The following FAM91A1 variants were observed in gnomAD, a reference collection of about 807,000 sequenced individuals.
The protein encoded by FAM91A1 is protein FAM91A1.
In FAM91A1, 41 loss-of-function variants were observed where a neutral mutation model predicts 113.5. The observed-to-expected ratio is 0.36, with a 90% CI of 0.28 to 0.47. The LOEUF is 0.47. Ranked by LOEUF, FAM91A1 falls within the 20% of genes least tolerant of loss-of-function variation. FAM91A1 has a pLI of 1.00. For missense variants in FAM91A1, 696 were observed against 1,001.2 expected, an observed-to-expected ratio of 0.70 and a Z score of 4.11; for synonymous variants, 307 against 347.9, an observed-to-expected ratio of 0.88 and a Z score of 1.31.
chr8:123,797,186 G>A (rs1815545684), intron 15 of FAM91A1, among the ~76,000 whole-genome samples: 1 of 152,306 alleles, frequency 6.6e-6, no homozygotes, highest in African/African-American at 2.4e-5. Flanking sequence ...AGAAAAAGCA[G>A]TGCCAGAAAA....
chr8:123,780,591 G>A (rs768099607), intron 8 of FAM91A1, 49 bp downstream of exon 8: 1 of 1,431,810 alleles, frequency 7.0e-7, no homozygotes, highest in Non-Finnish European at 9.7e-7. Context: ...GATATCAGGT[G>A]CTAAGCATTG....
intron 15 of FAM91A1, among the ~76,000 whole-genome samples, chr8:123,791,964 C>T (rs984542451): frequency 1.3e-5 from 2 of 152,104 alleles, no homozygotes; most frequent in African/African-American, 2.4e-5. Context: ...CACTTGAGGT[C>T]AGGAGTTCAA....
In FAM91A1 at chr8:123,814,197, A is replaced by G. The variant is rs1401699806; in HGVS notation, c.*1493A>G. On this transcript the variant is annotated 3_prime_UTR_variant, in exon 24 of 24. Coordinates refer to ENST00000334705, the MANE Select transcript of FAM91A1 (RefSeq NM_144963.4). Reference sequence around the variant, plus strand: ...AACCATGTGTATGTTATGTTTGTCTATAAAAGAAAAAATACTAATATTAAA... The same window carrying G: ...AACCATGTGTATGTTATGTTTGTCTGTAAAAGAAAAAATACTAATATTAAA... 2 of 385,822 alleles carry G rather than the reference A, an allele frequency of 5.2e-6. No homozygotes were observed. The highest frequency in any genetic ancestry group is 4.0e-5 in the South Asian group (2 of 50,368). The allele number at this position is 385,822 out of a possible 1,614,324, so 23.9% of individuals were successfully genotyped here.
At chr8:123,776,740 C>T (rs995780253) in intron 3 of FAM91A1, among the ~76,000 whole-genome samples, 3 of 152,124 alleles carry the variant, frequency 2.0e-5, no homozygotes, top group African/African-American at 7.2e-5. Context: ...GGGCCTTATC[C>T]CCACAGGAAG....
chr8:123,774,688 A>G (rs1408989960), intron 2 of FAM91A1, among the ~76,000 whole-genome samples: 1 of 152,032 alleles, frequency 6.6e-6, no homozygotes, highest in Non-Finnish European at 1.5e-5. Context: ...TATTTTAAGC[A>G]TAATATTTCT....
chr8:123,787,631 G>A, intron 13 of FAM91A1, 33 bp from the exon 14 acceptor site: 1 of 1,543,538 alleles, frequency 6.5e-7, no homozygotes, highest in Non-Finnish European at 8.9e-7. Context: ...AAAGGGAGAA[G>A]TAGAACTTTA....
intron 23 of FAM91A1, chr8:123,810,743 A>G: frequency 5.0e-6 from 1 of 200,098 alleles, no homozygotes; most frequent in East Asian, 1.4e-4. Flanking sequence ...TTTTTCCCCC[A>G]TCCCCAAGGA....
rs1014090237 is a variant in FAM91A1, at chr8:123,810,553, C to A, written c.2331+202C>A. ...AGGTCTTCGGAGACCAAAGCTTGATCTCTTTGTTCTGTGCCAGTGCTTTAT... is the reference window on the plus strand; with the variant it reads ...AGGTCTTCGGAGACCAAAGCTTGATATCTTTGTTCTGTGCCAGTGCTTTAT... On this transcript the variant is annotated intron_variant, in intron 23 of 23. Coordinates refer to ENST00000334705, the MANE Select transcript of FAM91A1 (RefSeq NM_144963.4). 1.1e-5 allele frequency: 7 copies of A among 647,232 alleles called. No individual in the cohort carries two copies. The African/African-American group carries it at 1.3e-4, about 12-fold the overall frequency. 40.1% of individuals were successfully genotyped at this position (647,232 alleles called of 1,614,324 possible).
In FAM91A1 at chr8:123,787,693, T is replaced by G; in HGVS notation, c.1221T>G (p.Phe407Leu). Residue 407 changes from phenylalanine (F) to leucine (L), a missense_variant, in exon 14 of 24, where the codon TTT becomes TTG. Phe to Leu is a conservative substitution (Grantham distance 22). Coordinates refer to ENST00000334705, the MANE Select transcript of FAM91A1 (RefSeq NM_144963.4). ...TGAAAAGTCATGCAGTCACAATGTT[T>G]GAAGTAGGCAAACTCTCAGATGAGT... ...PNLKSHAVTM[F>L]EVGKLSDESL... The G allele has an allele frequency of 6.2e-7, 1 of 1,613,104 alleles. No individual in the cohort carries two copies. The highest frequency in any genetic ancestry group is 8.5e-7 in the Non-Finnish European group (1 of 1,179,592).
chr8:123,780,569 G>T (rs1563638084), intron 8 of FAM91A1, 27 bp downstream of exon 8: 1 of 1,590,782 alleles, frequency 6.3e-7, no homozygotes, highest in Non-Finnish European at 8.6e-7. Flanking sequence ...ATTTTTCACT[G>T]TTTTTTGAAT....
chr8:123,789,825 A>C lies in FAM91A1; in HGVS notation c.1411+80A>C, dbSNP rs148952027. 637 of 1,485,362 alleles carry C rather than the reference A, an allele frequency of 4.3e-4. 2 individuals carry two copies. In the African/African-American group the frequency reaches 8.1e-3, roughly 19 times the overall value. The allele number at this position is 1,485,362 out of a possible 1,614,324, so 92.0% of individuals were successfully genotyped here. ...GAAATTAAACAGATCATGCTCACTT[A>C]TATAATCATCACTTACGTATTTTGT... On this transcript the variant is annotated intron_variant, in intron 15 of 23. Transcript: ENST00000334705.
chr8:123,803,898 A>G (rs568353014), intron 18 of FAM91A1, among the ~76,000 whole-genome samples: 1 of 152,310 alleles, frequency 6.6e-6, no homozygotes, highest in South Asian at 2.1e-4. Flanking sequence ...AAAGGGAAGA[A>G]TTTGGAGATC....
intron 14 of FAM91A1, among the ~76,000 whole-genome samples, chr8:123,788,411 T>G (rs1815308240): frequency 6.6e-6 from 1 of 152,194 alleles, no homozygotes. Flanking sequence ...TGCTTTATGA[T>G]GAACTTTGTA....
intron 1 of FAM91A1, among the ~76,000 whole-genome samples, chr8:123,770,739 T>G (rs1814818606): frequency 6.6e-6 from 1 of 152,246 alleles, no homozygotes; most frequent in African/African-American, 2.4e-5. Context: ...TCATGACTAT[T>G]TAAAAATAAT....
Position 123,812,901 on chromosome 8 carries a change from T to A in FAM91A1, c.*197T>A, listed in dbSNP as rs1242968697. The A allele has an allele frequency of 2.1e-6, 1 of 476,378 alleles. No individual in the cohort carries two copies. The highest frequency in any genetic ancestry group is 3.7e-6 in the Non-Finnish European group (1 of 272,568). 29.5% of individuals were successfully genotyped at this position (476,378 alleles called of 1,614,324 possible). On this transcript the variant is annotated 3_prime_UTR_variant, in exon 24 of 24. Coordinates refer to ENST00000334705, the MANE Select transcript of FAM91A1 (RefSeq NM_144963.4). The stretch of plus-strand genomic sequence containing the variant: ...CATCTTATTGCGACAAAGTGCTTTT[T>A]AGCAGCCAGCACTGTATTTTTTACC...
intron 15 of FAM91A1, among the ~76,000 whole-genome samples, chr8:123,794,403 T>C (rs967648477): frequency 6.6e-6 from 1 of 152,194 alleles, no homozygotes; most frequent in Non-Finnish European, 1.5e-5. Context: ...TATCAAAACT[T>C]AATGCACACA....
Position 123,814,466 on chromosome 8 carries a change from G to A in FAM91A1, c.*1762G>A, listed in dbSNP as rs1319397704. Reference sequence around the variant, plus strand: ...CTGTAATGACATGTACACTAATACAGAATTGAACATTTGTAGTTGTTGGCA... The same window carrying A: ...CTGTAATGACATGTACACTAATACAAAATTGAACATTTGTAGTTGTTGGCA... On this transcript the variant is annotated 3_prime_UTR_variant, in exon 24 of 24. Transcript: ENST00000334705. The A allele has an allele frequency of 6.1e-6, 1 of 162,642 alleles. No homozygotes were observed. The allele number at this position is 162,642 out of a possible 1,614,324, so 10.1% of individuals were successfully genotyped here.
At chr8:123,791,345 GC>G (rs1815378169) in intron 15 of FAM91A1, among the ~76,000 whole-genome samples, 1 of 151,566 alleles carries the variant, frequency 6.6e-6, no homozygotes, top group Admixed American at 6.6e-5. Context: ...TGAACGCTAA[GC>G]TTTGTATTCA....
intron 18 of FAM91A1, among the ~76,000 whole-genome samples, chr8:123,801,841 T>C (rs562405019): frequency 1.3e-5 from 2 of 152,080 alleles, no homozygotes; most frequent in African/African-American, 4.8e-5. Flanking sequence ...ATTTTTCTAG[T>C]GCCCAGCACG....
Sources: allele counts gnomAD v4.1 joint callset (sites outside exome capture counted in the v4.1 genomes callset), GRCh38; gene constraint gnomAD v4.1.1; transcripts MANE v1.5; gene names NCBI Gene and HGNC (gene_info 2026-07-23, HGNC 2026-07-21).